Variants in SYMPK observed in about 807,000 individuals in gnomAD.
The protein encoded by SYMPK is symplekin scaffold protein.
SYMPK carries 49 observed loss-of-function variants against 136.4 expected under a neutral mutation model. That is an observed-to-expected ratio of 0.36 (90% CI 0.29 to 0.46). The LOEUF (loss-of-function observed/expected upper bound fraction) is 0.46. Among genes scored for constraint, SYMPK ranks in the 20% least tolerant of loss-of-function variants. The pLI, the probability that SYMPK is intolerant of heterozygous loss-of-function variation, is 1.00. For synonymous variants in SYMPK, 766 were observed against 713.0 expected, an observed-to-expected ratio of 1.07 and a Z score of -1.19; for missense variants, 1,365 against 1,690.0, an observed-to-expected ratio of 0.81 and a Z score of 3.37.
At chr19:45,827,476 C>A (rs776927489) in intron 16 of SYMPK, 34 bp downstream of exon 16, 1 of 1,554,700 alleles carries the variant, frequency 6.4e-7, no homozygotes, top group African/African-American at 1.4e-5. Flanking sequence ...AAGCTGCAGG[C>A]TGAGGGCAGC....
At chr19:45,840,329 A>G (rs2146327170) in intron 9 of SYMPK, among the ~76,000 whole-genome samples, 2 of 140,824 alleles carry the variant, frequency 1.4e-5, no homozygotes, top group East Asian at 4.9e-4. Context: ...AAAAAAAAAA[A>G]AAAAAAAAGA....
Position 45,857,798 on chromosome 19 carries a change from CTT to C in SYMPK, c.-12-3293_-12-3292del, listed in dbSNP as rs545837447. 2.0e-3 allele frequency among the ~76,000 whole-genome samples: 258 copies of C among 131,528 alleles called. 2 individuals carry two copies. Among genetic ancestry groups the C allele is most frequent in the African/African-American group, 2.9e-3 (103 of 35,378 alleles). 86.3% of individuals were successfully genotyped at this position (131,528 alleles called of 152,430 possible). A position where few individuals can be genotyped will look rare whatever the true frequency, so the allele number is the denominator to read the frequency against. On this transcript the variant is annotated intron_variant, in intron 1 of 26. Transcript: ENST00000245934. ...GAGCCACCGCAACCAGCCGAAAATA[CTT>C]TTTTTTTTTTTTTTTTAGATGGAAT...
rs145760743 is a variant in SYMPK, at chr19:45,838,548, G to A, written c.1155C>T (p.Ala385=). The change falls in exon 10 of 27, where the codon GCC becomes GCT. Residue 385 remains alanine, a synonymous_variant. Transcript: ENST00000245934. The part of the protein sequence containing the change: ...LEPGPSGTSK[A]SAQISGQSDT... ...CTGACTGGCCGGAGATCTGCGCTGA[G>A]GCCTTCGAGGTCCCCGACGGGCCTG... 4.0e-5 allele frequency: 64 copies of A among 1,614,176 alleles called. No homozygotes were observed. The African/African-American group carries it at 8.3e-4, about 21-fold the overall frequency.
chr19:45,859,951 TC>T (rs908653795), intron 1 of SYMPK, among the ~76,000 whole-genome samples: 2 of 45,566 alleles, frequency 4.4e-5, no homozygotes, highest in Non-Finnish European at 7.1e-5. Flanking sequence ...TAAGACTCCA[TC>T]TAAAAAAAAA....
At chr19:45,839,851 C>CAA (rs1487808363) in intron 9 of SYMPK, among the ~76,000 whole-genome samples, 1 of 150,854 alleles carries the variant, frequency 6.6e-6, no homozygotes, top group Non-Finnish European at 1.5e-5. Flanking sequence ...CAAAACAAAA[C>CAA]AAAAAAACAC....
chr19:45,815,469 T>C lies in SYMPK; in HGVS notation c.*91A>G. ...ACTTGCCCAAGTTCACATCTTTTAT[T>C]TCTTTTTAAGGCAAAGCACCCGCAG... On this transcript the variant is annotated 3_prime_UTR_variant, in exon 27 of 27. Coordinates refer to ENST00000245934, the MANE Select transcript of SYMPK (RefSeq NM_004819.3). The C allele has an allele frequency of 5.8e-6, 7 of 1,206,662 alleles. No individual in the cohort carries two copies. Among genetic ancestry groups the C allele is most frequent in the South Asian group, 3.3e-5 (2 of 60,874 alleles). The allele number at this position is 1,206,662 out of a possible 1,614,324, so 74.7% of individuals were successfully genotyped here. A position where few individuals can be genotyped will look rare whatever the true frequency, so the allele number is the denominator to read the frequency against.
chr19:45,823,941 G>A (rs570023115), intron 18 of SYMPK, 66 bp from the exon 19 acceptor site: 26 of 1,274,352 alleles, frequency 2.0e-5, no homozygotes, highest in South Asian at 8.6e-5. Flanking sequence ...GGTGTTGCCC[G>A]GCAGGGTGGC....
chr19:45,838,472 C>T lies in SYMPK; in HGVS notation c.1231G>A (p.Val411Met). The T allele has an allele frequency of 6.2e-7, 1 of 1,613,550 alleles. No homozygotes were observed. The highest frequency in any genetic ancestry group is 8.5e-7 in the Non-Finnish European group (1 of 1,179,600). Residue 411 changes from valine (V) to methionine (M), a missense_variant, in exon 10 of 27, where the codon GTG becomes ATG. This residue lies in a region of SYMPK where 111 missense variants were observed against 141.2 expected (regional missense o/e 0.79). Transcript: ENST00000245934. ...FLQPLLTPDN[V>M]ANLVLISMVY... is the part of the protein sequence containing the mutation. ...CCACCCATCCTCACCAGATTAGCCA[C>T]ATTATCAGGCGTCAGCAGAGGCTGC...
At chr19:45,843,833 A>G (rs908230612) in intron 8 of SYMPK, among the ~76,000 whole-genome samples, 197 bp downstream of exon 8, 1 of 149,358 alleles carries the variant, frequency 6.7e-6, no homozygotes, top group African/African-American at 2.5e-5. Flanking sequence ...AATCCCAGCT[A>G]CTCGGGAGGC....
intron 16 of SYMPK, among the ~76,000 whole-genome samples, chr19:45,827,138 G>A (rs775093420): frequency 2.0e-5 from 3 of 152,132 alleles, no homozygotes; most frequent in East Asian, 1.9e-4. Flanking sequence ...AGGCCACACC[G>A]GCTCCCCTGC....
At chr19:45,836,326 T>A (rs1198068071) in intron 10 of SYMPK, among the ~76,000 whole-genome samples, 1 of 151,928 alleles carries the variant, frequency 6.6e-6, no homozygotes, top group African/African-American at 2.4e-5. Context: ...TTCCTATACA[T>A]TTGAAGCTTT....
intron 17 of SYMPK, 122 bp from the exon 18 acceptor site, chr19:45,825,453 G>T: frequency 8.0e-7 from 1 of 1,250,558 alleles, no homozygotes; most frequent in Non-Finnish European, 1.1e-6. Flanking sequence ...CCGGGGCTGG[G>T]GAGCTAATTG....
intron 25 of SYMPK, 122 bp from the exon 26 acceptor site, chr19:45,816,305 G>A (rs1019073315): frequency 8.1e-6 from 9 of 1,114,886 alleles, no homozygotes; most frequent in Admixed American, 2.8e-5. Context: ...GGAGGAAGGG[G>A]CAGTTGTCCC....
chr19:45,837,896 G>A (rs955500279), intron 10 of SYMPK, among the ~76,000 whole-genome samples: 2 of 152,084 alleles, frequency 1.3e-5, no homozygotes, highest in Admixed American at 6.6e-5. Flanking sequence ...AAGTGGAAAA[G>A]TGTAGTTCTG....
At chr19:45,817,412 GTTCTCTTTTTTTTTTT>G (rs1970775219) in intron 23 of SYMPK, among the ~76,000 whole-genome samples, 1 of 115,128 alleles carries the variant, frequency 8.7e-6, no homozygotes, top group East Asian at 2.6e-4. Context: ...TGGTTTTTTT[GTTCTCTTTTTTTTTTT>G]TTTTTTTTTT....
At chr19:45,829,543 G>A (rs1295662450) in intron 13 of SYMPK, among the ~76,000 whole-genome samples, 1 of 152,070 alleles carries the variant, frequency 6.6e-6, no homozygotes, top group Non-Finnish European at 1.5e-5. Flanking sequence ...TGATGGCCAC[G>A]GAAGAGTACT....
Position 45,828,961 on chromosome 19 carries a change from C to T in SYMPK, c.1985+9G>A. 1 of 1,611,796 alleles carries T rather than the reference C, an allele frequency of 6.2e-7. No individual in the cohort carries two copies. Among genetic ancestry groups the T allele is most frequent in the Non-Finnish European group, 8.5e-7 (1 of 1,178,022 alleles). On this transcript the variant is annotated intron_variant, in intron 14 of 26. Coordinates refer to ENST00000245934, the MANE Select transcript of SYMPK (RefSeq NM_004819.3). Reference sequence around the variant, plus strand: ...CGGGGACAGGAGGGTGCAGGGTCAGCCCCCTCACCCATCCTTCTGGTCTGG... The same window carrying T: ...CGGGGACAGGAGGGTGCAGGGTCAGTCCCCTCACCCATCCTTCTGGTCTGG...
At chr19:45,822,361 G>C (rs886180693) in intron 21 of SYMPK, among the ~76,000 whole-genome samples, 2 of 151,988 alleles carry the variant, frequency 1.3e-5, no homozygotes, top group Non-Finnish European at 2.9e-5. Flanking sequence ...CTTGTGATCC[G>C]CCCGCCTCGC....
chr19:45,828,201 G>A (rs551498599), intron 14 of SYMPK: 7 of 379,722 alleles, frequency 1.8e-5, no homozygotes, highest in Admixed American at 1.2e-4. Flanking sequence ...GAATGATGGC[G>A]GGTGGAGAAG....
Sources: gnomAD v4.1 joint callset for allele counts (sites outside exome capture counted in the v4.1 genomes callset) on GRCh38, gnomAD v4.1.1 for gene constraint, gnomAD v4.1.1 regional missense constraint, MANE v1.5 for transcripts, NCBI Gene and HGNC (gene_info 2026-07-23, HGNC 2026-07-21) for gene names.